The following ANK2 variants were observed in gnomAD, a reference collection of about 807,000 sequenced individuals.
ANK2 encodes the protein ankyrin 2.
In ANK2, 83 loss-of-function variants were observed where a neutral mutation model predicts 360.5. The observed-to-expected ratio is 0.23, with a 90% confidence interval of 0.19 to 0.28. The LOEUF is 0.28. ANK2 is among the 10% of genes least tolerant of loss of function. The probability of loss-of-function intolerance (pLI) is 1.00; values close to 1 mark genes in which losing one functional copy is unlikely to be tolerated. For synonymous variants in ANK2, 1,740 were observed against 1,759.5 expected, an observed-to-expected ratio of 0.99 and a Z score of 0.28; for missense variants, 4,201 against 4,795.7, an observed-to-expected ratio of 0.88 and a Z score of 3.66.
chr4:112,910,673 C>A (rs1322882541), intron 2 of ANK2, among the ~76,000 whole-genome samples: 1 of 152,132 alleles, frequency 6.6e-6, no homozygotes, highest in Non-Finnish European at 1.5e-5. Flanking sequence ...GGCAGATCTG[C>A]AAATATGCAT....
intron 1 of ANK2, among the ~76,000 whole-genome samples, chr4:112,841,062 G>A (rs1293044924): frequency 6.6e-6 from 1 of 152,144 alleles, no homozygotes; most frequent in Non-Finnish European, 1.5e-5. Context: ...TGCCTTCAGG[G>A]CTGGTTTCTT....
intron 1 of ANK2, among the ~76,000 whole-genome samples, chr4:112,850,249 CATCTATCTATCTATCT>C (rs200885271): frequency 3.3e-3 from 461 of 139,344 alleles, no homozygotes; most frequent in African/African-American, 9.1e-3. Flanking sequence ...TAAGAAATTT[CATCTATCTATCTATCT>C]ATCTATCTAT....
chr4:112,796,580 C>T, the ANK2 span, among the ~76,000 whole-genome samples: 3 of 151,572 alleles, frequency 2.0e-5, no homozygotes, highest in East Asian at 5.8e-4. Flanking sequence ...GAACTTCTGG[C>T]CTCAAGCAAT....
At chr4:112,758,432 A>G in the ANK2 span, among the ~76,000 whole-genome samples, 6 of 151,954 alleles carry the variant, frequency 3.9e-5, no homozygotes, top group African/African-American at 1.5e-4. Context: ...ATTTTTTGAG[A>G]TAGAGTCTCA....
At chr4:113,022,005 A>G (rs2154298394) in intron 2 of ANK2, among the ~76,000 whole-genome samples, 1 of 152,122 alleles carries the variant, frequency 6.6e-6, no homozygotes, top group Non-Finnish European at 1.5e-5. Context: ...TGTTTCCCCC[A>G]TTTGGGTAAT....
chr4:112,890,474 A>T (rs1201488693), intron 1 of ANK2, among the ~76,000 whole-genome samples: 1 of 146,320 alleles, frequency 6.8e-6, no homozygotes, highest in African/African-American at 2.5e-5. Flanking sequence ...TCTGAAATGG[A>T]TTTGTTTTCC....
intron 1 of ANK2, among the ~76,000 whole-genome samples, chr4:112,902,091 T>C (rs1283789910): frequency 6.6e-6 from 1 of 152,124 alleles, no homozygotes; most frequent in African/African-American, 2.4e-5. Flanking sequence ...CTCTTGAGTT[T>C]CCTGGAGAAG....
At chr4:113,178,975 T>A (rs1306030688) in intron 2 of ANK2, among the ~76,000 whole-genome samples, 2 of 152,192 alleles carry the variant, frequency 1.3e-5, no homozygotes, top group Non-Finnish European at 2.9e-5. Flanking sequence ...AGCTCAAAAC[T>A]TATTTTTAAT....
chr4:113,094,701 A>AAGCCATCACTG (rs1277269516), intron 1 of ANK2, among the ~76,000 whole-genome samples: 1 of 152,242 alleles, frequency 6.6e-6, no homozygotes, highest in African/African-American at 2.4e-5. Context: ...ATAAACCATA[A>AAGCCATCACTG]AGCCATCACT....
At chr4:113,317,665 A>G (rs780665503) in intron 24 of ANK2, 42 bp from the exon 25 acceptor site, 3 of 1,475,238 alleles carry the variant, frequency 2.0e-6, no homozygotes, top group South Asian at 2.3e-5. Context: ...CAACCCTGCT[A>G]CTGCTGTTGG....
chr4:113,154,325 C>G (rs1408799314), intron 1 of ANK2, among the ~76,000 whole-genome samples: 1 of 152,150 alleles, frequency 6.6e-6, no homozygotes, highest in Non-Finnish European at 1.5e-5. Context: ...ACTGGAAATC[C>G]AAGGAGTAAG....
intron 2 of ANK2, among the ~76,000 whole-genome samples, chr4:112,982,198 A>T (rs1055411397): frequency 6.6e-6 from 1 of 152,150 alleles, no homozygotes; most frequent in African/African-American, 2.4e-5. Flanking sequence ...TTTTTTAATT[A>T]TGAAAATCTT....
At chr4:112,819,623 C>T (rs2056410330) in intron 1 of ANK2, among the ~76,000 whole-genome samples, 1 of 152,010 alleles carries the variant, frequency 6.6e-6, no homozygotes. Flanking sequence ...GGATGATTCC[C>T]CTCCCATTCT....
intron 1 of ANK2, chr4:113,146,079 C>T (rs2096824389): frequency 2.4e-6 from 3 of 1,253,546 alleles, no homozygotes; most frequent in African/African-American, 1.5e-5. Context: ...ATTGGTCAGA[C>T]CTCTAAACTT....
the ANK2 span, among the ~76,000 whole-genome samples, chr4:112,767,898 C>T: frequency 6.6e-6 from 1 of 152,188 alleles, no homozygotes; most frequent in South Asian, 2.1e-4. Context: ...TTTCCCATCT[C>T]TCTCATCCTC....
chr4:113,144,193 C>A (rs2096745309), intron 1 of ANK2, among the ~76,000 whole-genome samples: 1 of 152,048 alleles, frequency 6.6e-6, no homozygotes, highest in Non-Finnish European at 1.5e-5. Flanking sequence ...ACTGGCAATG[C>A]CTCTCAGAAA....
chr4:112,712,398 ATATATATATT>A, the ANK2 span, among the ~76,000 whole-genome samples: 1 of 42,260 alleles, frequency 2.4e-5, no homozygotes, highest in Non-Finnish European at 5.9e-5. Context: ...ATATATATAT[ATATATATATT>A]TTTTTTTTTT....
At chr4:113,166,041 C>A (rs560271721) in intron 1 of ANK2, among the ~76,000 whole-genome samples, 1 of 152,236 alleles carries the variant, frequency 6.6e-6, no homozygotes, top group East Asian at 1.9e-4. Context: ...AGTGTTGGAA[C>A]TTCTGAGTTC....
chr4:112,922,657 G>A (rs1340412895), intron 2 of ANK2, among the ~76,000 whole-genome samples: 1 of 152,142 alleles, frequency 6.6e-6, no homozygotes, highest in East Asian at 1.9e-4. Flanking sequence ...CAGTTATTTT[G>A]AGCAAAGATT....
Sources: allele counts gnomAD v4.1 joint callset (sites outside exome capture counted in the v4.1 genomes callset), GRCh38; gene constraint gnomAD v4.1.1; transcripts MANE v1.5; gene names NCBI Gene and HGNC (gene_info 2026-07-23, HGNC 2026-07-21).